Variants in TENM4 observed in about 807,000 individuals in gnomAD.
The protein encoded by TENM4 is teneurin transmembrane protein 4, also known as teneurin-4.
TENM4 carries 82 observed loss-of-function variants against 243.3 expected under a neutral mutation model. The ratio of observed to expected loss-of-function variants is 0.34; its 90% CI spans 0.28 to 0.40. The LOEUF (loss-of-function observed/expected upper bound fraction) is 0.40, where lower values mean the gene tolerates loss of function less well. Among genes scored for constraint, TENM4 ranks in the 10% least tolerant of loss-of-function variants. TENM4 has a pLI of 1.00. For missense variants in TENM4, 3,138 were observed against 3,673.3 expected, an observed-to-expected ratio of 0.85 and a Z score of 3.77; for synonymous variants, 1,412 against 1,456.3, an observed-to-expected ratio of 0.97 and a Z score of 0.69.
intron 18 of TENM4, among the ~76,000 whole-genome samples, chr11:78,762,509 A>C (rs1026955400): frequency 6.6e-6 from 1 of 152,206 alleles, no homozygotes; most frequent in Admixed American, 6.5e-5. Flanking sequence ...TGCTCTTATG[A>C]GAGGCTCTGG....
chr11:79,235,845 T>A (rs766988922), intron 2 of TENM4, among the ~76,000 whole-genome samples: 1 of 152,210 alleles, frequency 6.6e-6, no homozygotes, highest in Admixed American at 6.5e-5. Context: ...TTCCTAGATT[T>A]ATCTGAACTC....
At chr11:79,340,065 C>G (rs1027527746) in intron 1 of TENM4, among the ~76,000 whole-genome samples, 2 of 152,180 alleles carry the variant, frequency 1.3e-5, no homozygotes, top group African/African-American at 2.4e-5. Flanking sequence ...TGCTGAAATA[C>G]CGAGGCCGCA....
chr11:79,338,263 CAAG>C (rs1468790327), intron 1 of TENM4, among the ~76,000 whole-genome samples: 1 of 152,256 alleles, frequency 6.6e-6, no homozygotes, highest in Non-Finnish European at 1.5e-5. Context: ...CTATAGACAA[CAAG>C]AAGAGCTGCT....
At position 79,440,844 on chromosome 11, in the gene TENM4, T is replaced by TGC. The variant is rs200744918; in HGVS notation, c.-658_-657dup. ...CTTCTGGGGGGTTGGGGCGGGTGTG[T>TGC]GCGCGCGCGTGTGTGAGTGTGTGTG... is the stretch of plus-strand genomic sequence containing the variant. On this transcript the variant is annotated 5_prime_UTR_variant, in exon 1 of 34. Coordinates refer to ENST00000278550, the MANE Select transcript of TENM4 (RefSeq NM_001098816.3). This position sits in a 1 kb window ranked among gnomAD's most constrained non-coding sequence, Gnocchi z 4.7. The TGC allele has an allele frequency of 0.074, 10,401 of 141,058 alleles. 426 individuals carry two copies. Among genetic ancestry groups the TGC allele is most frequent in the Non-Finnish European group, 0.091 (5,991 of 65,698 alleles). The allele number at this position is 141,058 out of a possible 1,614,324, so 8.7% of individuals were successfully genotyped here.
intron 2 of TENM4, among the ~76,000 whole-genome samples, chr11:79,236,574 G>A (rs931658600): frequency 6.6e-6 from 1 of 152,090 alleles, no homozygotes; most frequent in African/African-American, 2.4e-5. Flanking sequence ...TGTGTCGGAT[G>A]GTGAGCGAAC....
intron 9 of TENM4, among the ~76,000 whole-genome samples, chr11:78,880,171 C>G (rs1859393495): frequency 6.6e-6 from 1 of 152,206 alleles, no homozygotes; most frequent in Admixed American, 6.5e-5. Context: ...CCCGTGCTCT[C>G]TGAAACATGT....
rs1237487985 is a variant in TENM4 at position 79,069,624 on chromosome 11, C to T, written c.223+98G>A. ...CACCCCAACTGGTGTTCCAGCTCACCTGTGCCACGCCCACCTGCGCCACGC... is the reference window on the plus strand; with the variant it reads ...CACCCCAACTGGTGTTCCAGCTCACTTGTGCCACGCCCACCTGCGCCACGC... On this transcript the variant is annotated intron_variant, in intron 5 of 33. Transcript: ENST00000278550. The T allele has an allele frequency of 5.6e-6, 8 of 1,427,820 alleles. No homozygotes were observed. In the Admixed American group the frequency reaches 1.0e-4, roughly 18 times the overall value. The allele number at this position is 1,427,820 out of a possible 1,614,324, so 88.4% of individuals were successfully genotyped here.
At chr11:78,757,865 C>T (rs1856345456) in intron 18 of TENM4, among the ~76,000 whole-genome samples, 1 of 152,074 alleles carries the variant, frequency 6.6e-6, no homozygotes, top group Admixed American at 6.5e-5. Context: ...GGTTTCAGAT[C>T]CCTGACAGAG....
chr11:79,060,118 T>C (rs1860048350), intron 6 of TENM4, among the ~76,000 whole-genome samples: 1 of 152,206 alleles, frequency 6.6e-6, no homozygotes, highest in Non-Finnish European at 1.5e-5. Context: ...GAGCGAAGCT[T>C]GAATTGCAAC....
intron 1 of TENM4, among the ~76,000 whole-genome samples, chr11:79,367,112 C>T (rs1857691102): frequency 6.6e-6 from 1 of 152,228 alleles, no homozygotes; most frequent in Non-Finnish European, 1.5e-5. Flanking sequence ...TTGGCTGGAT[C>T]ACTTTCAACA....
intron 4 of TENM4, among the ~76,000 whole-genome samples, chr11:79,078,107 A>G (rs1860577987): frequency 6.6e-6 from 1 of 152,216 alleles, no homozygotes; most frequent in African/African-American, 2.4e-5. Flanking sequence ...AGTGCTCGAA[A>G]AAACCTCTGC....
chr11:79,407,038 C>T (rs1463613388), intron 1 of TENM4, among the ~76,000 whole-genome samples: 1 of 152,208 alleles, frequency 6.6e-6, no homozygotes, highest in Non-Finnish European at 1.5e-5. Flanking sequence ...TGACCCCCAA[C>T]CTGTCAGTGT....
Position 78,889,932 on chromosome 11 carries a change from G to C in TENM4, c.937C>G (p.Pro313Ala). 6.4e-7 allele frequency: 1 copy of C among 1,551,736 alleles called. No individual in the cohort carries two copies. The highest frequency in any genetic ancestry group is 1.2e-5 in the South Asian group (1 of 84,060). The stretch of plus-strand genomic sequence containing the variant: ...CTGCGGGGCAGGGGTCGGGGCGGAG[G>C]AGAGTACACTGTGCTGGACGTCAGT... Reference protein sequence around the residue: ...YPLTSSTVYSPPPRPLPRSTF... With the variant: ...YPLTSSTVYSAPPRPLPRSTF... The change falls in exon 9 of 34, where the codon CCT (proline) becomes GCT (alanine). Residue 313 changes from proline to alanine, a missense_variant. By Grantham distance (27) the Pro-to-Ala change is conservative (BLOSUM62 -1). Transcript: ENST00000278550.
Position 78,876,543 on chromosome 11 carries a change from A to C in TENM4, c.1084+13242T>G, listed in dbSNP as rs535993888. On this transcript the variant is annotated intron_variant, in intron 9 of 33. Coordinates refer to ENST00000278550, the MANE Select transcript of TENM4 (RefSeq NM_001098816.3). Reference sequence around the variant, plus strand: ...ATATCTTACTTGATTTACAAGCTCAATGCCTTGTAATTTTTTCCTGATCCT... The same window carrying C: ...ATATCTTACTTGATTTACAAGCTCACTGCCTTGTAATTTTTTCCTGATCCT... Among the ~76,000 whole-genome samples, 72 of 152,282 alleles carry C rather than the reference A, an allele frequency of 4.7e-4. 2 individuals carry two copies. The South Asian group carries it at 0.014, about 29-fold the overall frequency.
At chr11:79,010,203 A>G (rs1480803573) in intron 6 of TENM4, among the ~76,000 whole-genome samples, 1 of 152,108 alleles carries the variant, frequency 6.6e-6, no homozygotes, top group Non-Finnish European at 1.5e-5. Flanking sequence ...CCTTCTCCTT[A>G]CCTACCTGGC....
intron 1 of TENM4, among the ~76,000 whole-genome samples, chr11:79,298,439 C>T (rs550080575): frequency 4.1e-5 from 6 of 144,654 alleles, no homozygotes; most frequent in East Asian, 2.1e-4. Context: ...GGCGTGAACC[C>T]GGGAAGCGGA....
chr11:78,779,998 G>T (rs991668861), intron 16 of TENM4, among the ~76,000 whole-genome samples: 3 of 152,166 alleles, frequency 2.0e-5, no homozygotes, highest in African/African-American at 7.2e-5. Flanking sequence ...GATGAAATAT[G>T]CTTCTGGAGC....
At chr11:79,198,206 G>A (rs761405551) in intron 3 of TENM4, among the ~76,000 whole-genome samples, 3 of 152,220 alleles carry the variant, frequency 2.0e-5, no homozygotes, top group Non-Finnish European at 4.4e-5. Context: ...CCTTGATTAG[G>A]CCGCCACTGT....
intron 6 of TENM4, among the ~76,000 whole-genome samples, chr11:78,954,705 T>C (rs1326528039): frequency 6.6e-6 from 1 of 152,238 alleles, no homozygotes; most frequent in African/African-American, 2.4e-5. Flanking sequence ...AGCAGTAATA[T>C]ACAATTTCCT....
Sources: allele counts gnomAD v4.1 joint callset (sites outside exome capture counted in the v4.1 genomes callset), GRCh38; gene constraint gnomAD v4.1.1; non-coding constraint Gnocchi (gnomAD v3.1); transcripts MANE v1.5; gene names NCBI Gene and HGNC (gene_info 2026-07-23, HGNC 2026-07-21).